ZNF385D: variants seen among roughly 807,000 people sequenced by gnomAD.
The protein encoded by ZNF385D is zinc finger protein 385D.
Under a neutral mutation model 35.8 loss-of-function variants are expected in ZNF385D, and 15 were observed. The observed-to-expected ratio is 0.42, with a 90% CI of 0.28 to 0.64. The LOEUF (loss-of-function observed/expected upper bound fraction) is 0.64. Among genes scored for constraint, ZNF385D ranks in the 30% least tolerant of loss-of-function variants. The probability of loss-of-function intolerance (pLI) is 0.23; values close to 1 mark genes in which losing one functional copy is unlikely to be tolerated. For missense variants in ZNF385D, 474 were observed against 494.6 expected, an observed-to-expected ratio of 0.96 and a Z score of 0.39; for synonymous variants, 212 against 186.8, an observed-to-expected ratio of 1.13 and a Z score of -1.10.
At chr3:21,468,068 C>T (rs1464075740) in intron 4 of ZNF385D, among the ~76,000 whole-genome samples, 1 of 151,920 alleles carries the variant, frequency 6.6e-6, no homozygotes, top group Non-Finnish European at 1.5e-5. Context: ...ATAGTAATTC[C>T]ATTTCTAGGT....
chr3:22,360,161 T>C (rs973542796), intron 2 of ZNF385D, among the ~76,000 whole-genome samples: 3 of 152,010 alleles, frequency 2.0e-5, no homozygotes, highest in Non-Finnish European at 2.9e-5. Flanking sequence ...TCTCATTTTC[T>C]GAAAAATTTT....
chr3:22,057,990 T>A (rs1699495483), intron 3 of ZNF385D, among the ~76,000 whole-genome samples: 1 of 152,082 alleles, frequency 6.6e-6, no homozygotes, highest in South Asian at 2.1e-4. Flanking sequence ...AATAAAGTAA[T>A]GGAAAATAAG....
At chr3:21,798,606 T>C (rs2072259195) in intron 3 of ZNF385D, among the ~76,000 whole-genome samples, 1 of 152,174 alleles carries the variant, frequency 6.6e-6, no homozygotes. Flanking sequence ...CAGCGTCAAC[T>C]AATTAGAAAC....
chr3:21,830,955 T>A (rs1352884068), intron 3 of ZNF385D, among the ~76,000 whole-genome samples: 1 of 152,152 alleles, frequency 6.6e-6, no homozygotes, highest in Non-Finnish European at 1.5e-5. Context: ...GAATAAGATA[T>A]TCTGTTAAAA....
chr3:22,231,356 G>A (rs1335786055), intron 2 of ZNF385D, among the ~76,000 whole-genome samples: 1 of 151,950 alleles, frequency 6.6e-6, no homozygotes, highest in Non-Finnish European at 1.5e-5. Flanking sequence ...TGTCCCCAGT[G>A]AGAGAGAGAA....
intron 2 of ZNF385D, among the ~76,000 whole-genome samples, chr3:22,213,938 A>C (rs1269482863): frequency 6.6e-6 from 1 of 152,100 alleles, no homozygotes; most frequent in Non-Finnish European, 1.5e-5. Context: ...AATTTAGTTT[A>C]TTGAGTCAGA....
chr3:21,856,464 T>G (rs1696718517), intron 3 of ZNF385D, among the ~76,000 whole-genome samples: 1 of 152,092 alleles, frequency 6.6e-6, no homozygotes, highest in African/African-American at 2.4e-5. Context: ...AATAAACACT[T>G]CAAAATTAAC....
chr3:21,627,491 C>G (rs1181353185), intron 2 of ZNF385D, among the ~76,000 whole-genome samples: 1 of 151,978 alleles, frequency 6.6e-6, no homozygotes, highest in Admixed American at 6.6e-5. Flanking sequence ...CTGTGAAAAT[C>G]AGGTCTATTA....
intron 2 of ZNF385D, among the ~76,000 whole-genome samples, chr3:21,604,582 T>C (rs183518394): frequency 3.9e-5 from 6 of 152,228 alleles, no homozygotes; most frequent in Non-Finnish European, 5.9e-5. Flanking sequence ...AGACAAAGGC[T>C]GAAGAAGGAA....
At chr3:21,626,340 T>C (rs973649343) in intron 2 of ZNF385D, among the ~76,000 whole-genome samples, 1 of 152,082 alleles carries the variant, frequency 6.6e-6, no homozygotes, top group Non-Finnish European at 1.5e-5. Context: ...ACATGTGTTA[T>C]CACAATCTTC....
chr3:22,293,969 C>T (rs1702437254), intron 2 of ZNF385D, among the ~76,000 whole-genome samples: 2 of 151,704 alleles, frequency 1.3e-5, no homozygotes, highest in Non-Finnish European at 2.9e-5. Context: ...AGTTTGGGAT[C>T]AATGAATTTT....
chr3:21,952,341 C>T (rs1230898779), intron 3 of ZNF385D, among the ~76,000 whole-genome samples: 1 of 151,908 alleles, frequency 6.6e-6, no homozygotes, highest in Non-Finnish European at 1.5e-5. Flanking sequence ...TCCTAAGACA[C>T]CATAAAATTT....
At chr3:22,293,988 G>A (rs1168894864) in intron 2 of ZNF385D, among the ~76,000 whole-genome samples, 1 of 151,478 alleles carries the variant, frequency 6.6e-6, no homozygotes, top group Non-Finnish European at 1.5e-5. Context: ...TTCTTCTCCA[G>A]GCATGGTAAT....
At chr3:22,173,709 C>G (rs1479539035) in intron 2 of ZNF385D, among the ~76,000 whole-genome samples, 1 of 152,132 alleles carries the variant, frequency 6.6e-6, no homozygotes, top group East Asian at 1.9e-4. Context: ...CTCTTTATCT[C>G]AAATTTGCCT....
intron 3 of ZNF385D, among the ~76,000 whole-genome samples, chr3:21,826,467 G>A (rs1359036232): frequency 1.3e-5 from 2 of 152,176 alleles, no homozygotes; most frequent in Admixed American, 6.5e-5. Flanking sequence ...AACACAGAGG[G>A]TGATAGAGTT....
At chr3:22,300,131 T>A (rs987544543) in intron 2 of ZNF385D, among the ~76,000 whole-genome samples, 3 of 151,796 alleles carry the variant, frequency 2.0e-5, no homozygotes, top group Non-Finnish European at 2.9e-5. Flanking sequence ...TGGAATAGAA[T>A]AGAAAGCCCA....
intron 2 of ZNF385D, among the ~76,000 whole-genome samples, chr3:21,607,256 T>C (rs1344028915): frequency 6.6e-6 from 1 of 152,212 alleles, no homozygotes. Context: ...GGATCTTTAT[T>C]GTTTAGTTGG....
intron 2 of ZNF385D, among the ~76,000 whole-genome samples, chr3:22,185,276 T>A (rs1403873633): frequency 6.6e-6 from 1 of 152,128 alleles, no homozygotes; most frequent in Non-Finnish European, 1.5e-5. Context: ...AATGGCATAA[T>A]AGGCAAATGT....
intron 4 of ZNF385D, among the ~76,000 whole-genome samples, chr3:21,445,624 T>C (rs1702106485): frequency 6.6e-6 from 1 of 152,184 alleles, no homozygotes. Flanking sequence ...AATTTCTAAG[T>C]CAAAGAGGAT....
Sources: allele counts gnomAD v4.1 joint callset (sites outside exome capture counted in the v4.1 genomes callset), GRCh38; gene constraint gnomAD v4.1.1; transcripts MANE v1.5; gene names NCBI Gene and HGNC (gene_info 2026-07-23, HGNC 2026-07-21).